Variants in ATG4B observed in about 807,000 individuals in gnomAD.
ATG4B encodes autophagy related 4B cysteine peptidase, also known as cysteine protease ATG4B.
In ATG4B, 29 loss-of-function variants were observed where a neutral mutation model predicts 56.6. The ratio of observed to expected loss-of-function variants is 0.51; its 90% CI spans 0.38 to 0.70. The LOEUF is 0.70. Among genes scored for constraint, ATG4B ranks in the 30% least tolerant of loss-of-function variants. ATG4B has a pLI of 0.00. For synonymous variants in ATG4B, 224 were observed against 206.1 expected (o/e 1.09, Z -0.74); for missense variants, 461 against 515.5 (o/e 0.89, Z 1.02).
chr2:241,655,479 C>T (rs943819939), intron 6 of ATG4B, 136 bp downstream of exon 6: 2 of 845,428 alleles, frequency 2.4e-6, no homozygotes, highest in East Asian at 2.7e-5. Context: ...GAAGGTTTCT[C>T]AGCGATGACT....
At chr2:241,670,914 T>A in intron 11 of ATG4B, 132 bp downstream of exon 11, 1 of 971,918 alleles carries the variant, frequency 1.0e-6, no homozygotes, top group Non-Finnish European at 1.6e-6. Flanking sequence ...TTGTCCCGCC[T>A]GGCACAGCTA....
intron 6 of ATG4B, among the ~76,000 whole-genome samples, chr2:241,657,008 G>T (rs113080747): frequency 6.8e-6 from 1 of 146,598 alleles, no homozygotes; most frequent in African/African-American, 2.5e-5. Context: ...TAGCTCAGTA[G>T]CCTGGGCTGG....
intron 7 of ATG4B, among the ~76,000 whole-genome samples, chr2:241,663,885 C>G (rs1475333092): frequency 6.6e-6 from 1 of 151,694 alleles, no homozygotes; most frequent in Non-Finnish European, 1.5e-5. Context: ...TCTTGGCTCA[C>G]TGCAATTTCC....
Position 241,673,485 on chromosome 2 carries a change from CG to C in ATG4B, c.*1225del, listed in dbSNP as rs2069048072. On this transcript the variant is annotated 3_prime_UTR_variant, in exon 13 of 13. Transcript: ENST00000404914. The stretch of plus-strand genomic sequence containing the variant: ...TGCTGCTGCTGCTGCTTGTGTAGGT[CG>C]GGGAGCCAGAGATCCCCGAGGACGC... 1 of 419,444 alleles carries C rather than the reference CG, an allele frequency of 2.4e-6. No homozygotes were observed. The highest frequency in any genetic ancestry group is 2.4e-5 in the Admixed American group (1 of 40,880). The allele number at this position is 419,444 out of a possible 1,614,324, so 26.0% of individuals were successfully genotyped here.
intron 1 of ATG4B, among the ~76,000 whole-genome samples, chr2:241,639,167 G>A (rs960986331): frequency 2.6e-5 from 4 of 152,226 alleles, no homozygotes; most frequent in Admixed American, 6.5e-5. Context: ...TGTTTCAAGC[G>A]CAGGCACCAG....
chr2:241,672,308 C>T lies in ATG4B; in HGVS notation c.*44C>T, dbSNP rs1253528346. 1 of 1,494,868 alleles carries T rather than the reference C, an allele frequency of 6.7e-7. No individual in the cohort carries two copies. The highest frequency in any genetic ancestry group is 1.2e-5 in the South Asian group (1 of 82,994). 92.6% of individuals were successfully genotyped at this position (1,494,868 alleles called of 1,614,324 possible). On this transcript the variant is annotated 3_prime_UTR_variant, in exon 13 of 13. Coordinates refer to ENST00000404914, the MANE Select transcript of ATG4B (RefSeq NM_013325.5). ...TGGCACCTGTGAGAGCCTGGGGCTC[C>T]TGGTGCCGCTGCGTTTCATCCATCC...
intron 1 of ATG4B, 96 bp downstream of exon 1, chr2:241,637,820 G>T: frequency 7.6e-7 from 1 of 1,322,280 alleles, no homozygotes; most frequent in Non-Finnish European, 9.8e-7. Context: ...TCGCCTCGGG[G>T]CACGCCGGTG....
chr2:241,653,315 C>G, intron 3 of ATG4B, 197 bp from the exon 4 acceptor site: 1 of 1,547,812 alleles, frequency 6.5e-7, no homozygotes, highest in Non-Finnish European at 8.7e-7. Context: ...AGGAGGTTGT[C>G]GGGACATTTC....
chr2:241,664,377 A>G (rs2068694732), intron 7 of ATG4B, among the ~76,000 whole-genome samples: 1 of 152,112 alleles, frequency 6.6e-6, no homozygotes, highest in African/African-American at 2.4e-5. Context: ...ACAAAAAAAC[A>G]AAACAAAAAA....
chr2:241,645,978 A>G (rs1011069965), intron 1 of ATG4B, among the ~76,000 whole-genome samples: 6 of 152,072 alleles, frequency 3.9e-5, no homozygotes, highest in Non-Finnish European at 5.9e-5. Flanking sequence ...GTTCACTGCC[A>G]AGCACCGTGA....
At chr2:241,639,934 C>T (rs528241372) in intron 1 of ATG4B, among the ~76,000 whole-genome samples, 28 of 152,316 alleles carry the variant, frequency 1.8e-4, no homozygotes, top group African/African-American at 5.3e-4. Context: ...CGAGACTCGT[C>T]GCTTGGCTTT....
intron 1 of ATG4B, among the ~76,000 whole-genome samples, chr2:241,643,663 C>CGTGT (rs369340875): frequency 0.046 from 6,297 of 135,576 alleles, 260 homozygotes; most frequent in African/African-American, 0.089. Context: ...TATATATATA[C>CGTGT]GTGTGTGTGT....
At chr2:241,666,547 C>T (rs4675930) in intron 7 of ATG4B, 98 bp from the exon 8 acceptor site, 285,082 of 1,269,614 alleles carry the variant, frequency 0.22, 33,281 homozygotes, top group East Asian at 0.27. Context: ...GGCTTTGTAC[C>T]GCCCTTTTTC....
intron 7 of ATG4B, 93 bp downstream of exon 7, chr2:241,659,280 G>C: frequency 1.8e-6 from 2 of 1,135,034 alleles, no homozygotes; most frequent in Non-Finnish European, 2.6e-6. Context: ...GCCTCGGCGA[G>C]TGTTGTCAGT....
Position 241,666,394 on chromosome 2 carries a change from G to A in ATG4B, c.539-251G>A, listed in dbSNP as rs112972608. On this transcript the variant is annotated intron_variant, in intron 7 of 12. Coordinates refer to ENST00000404914, the MANE Select transcript of ATG4B (RefSeq NM_013325.5). ...ACGTGGCTTTTTCTTGCACTGTTTC[G>A]TGTGTGTGCTTTATTTCACAATAAA... 5.1e-3 allele frequency among the ~76,000 whole-genome samples: 770 copies of A among 152,282 alleles called. 7 individuals are homozygous for A. Among genetic ancestry groups the A allele is most frequent in the Non-Finnish European group, 7.8e-3 (532 of 68,024 alleles).
chr2:241,646,697 C>G (rs1286348416), intron 1 of ATG4B, among the ~76,000 whole-genome samples: 1 of 151,730 alleles, frequency 6.6e-6, no homozygotes, highest in African/African-American at 2.4e-5. Flanking sequence ...GTTTGCCCAA[C>G]TGTAGGCTAA....
In ATG4B at chr2:241,653,504, C is replaced by T. The variant is rs545348103; in HGVS notation, c.185-8C>T. 6 of 1,571,840 alleles carry T rather than the reference C, an allele frequency of 3.8e-6. No homozygotes were observed. In the South Asian group the frequency reaches 7.0e-5, roughly 18 times the overall value. On this transcript the variant is annotated splice_polypyrimidine_tract_variant and splice_region_variant and intron_variant, in intron 3 of 12. Transcript: ENST00000404914. ...CATGAGCACTTCTCTCTCTGTCTGC[C>T]ACGACAGGGGGGACAGGCCCCACCT... is the stretch of plus-strand genomic sequence containing the variant.
intron 1 of ATG4B, among the ~76,000 whole-genome samples, chr2:241,643,122 T>A (rs2067953116): frequency 6.6e-6 from 1 of 151,756 alleles, no homozygotes; most frequent in Admixed American, 6.6e-5. Flanking sequence ...TGACCTCAAG[T>A]GATCTGCCCG....
chr2:241,637,767 G>C (rs1014193379), intron 1 of ATG4B, 43 bp downstream of exon 1: 1 of 1,554,756 alleles, frequency 6.4e-7, no homozygotes, highest in South Asian at 1.2e-5. Context: ...GGAGGTGCTC[G>C]CCTTATCATT....
Sources: gnomAD v4.1 joint callset for allele counts (sites outside exome capture counted in the v4.1 genomes callset) on GRCh38, gnomAD v4.1.1 for gene constraint, MANE v1.5 for transcripts, NCBI Gene and HGNC (gene_info 2026-07-23, HGNC 2026-07-21) for gene names.